The following RNF14 variants were observed in gnomAD, a reference collection of about 807,000 sequenced individuals.
RNF14 encodes the protein ring finger protein 14.
In RNF14, 26 loss-of-function variants were observed where a neutral mutation model predicts 52.6. The ratio of observed to expected loss-of-function variants is 0.49; its 90% CI spans 0.36 to 0.69. The LOEUF is 0.69. Among genes scored for constraint, RNF14 ranks in the 30% least tolerant of loss-of-function variants. The probability of loss-of-function intolerance (pLI) is 0.00; values close to 1 mark genes in which losing one functional copy is unlikely to be tolerated. For synonymous variants in RNF14, 194 were observed against 202.0 expected (o/e 0.96, Z 0.34); for missense variants, 404 against 560.4 (o/e 0.72, Z 2.82).
At chr5:141,957,182 T>A, upstream of RNF14, 1 of 1,614,122 alleles carries the variant, frequency 6.2e-7, no homozygotes, top group Non-Finnish European at 8.5e-7. The surrounding 1 kb of genome is among the most constrained non-coding windows in gnomAD (Gnocchi z 4.3). Flanking sequence ...GTACCTGACT[T>A]GGGGGGGTTC....
upstream of RNF14, among the ~76,000 whole-genome samples, chr5:141,966,212 G>A (rs1229964125): frequency 1.3e-5 from 2 of 152,138 alleles, no homozygotes; most frequent in South Asian, 2.1e-4. Flanking sequence ...ACCCTCTACC[G>A]GGAGGCAGAG....
upstream of RNF14, among the ~76,000 whole-genome samples, chr5:141,965,610 T>A (rs1753327982): frequency 6.6e-6 from 1 of 151,968 alleles, no homozygotes; most frequent in Non-Finnish European, 1.5e-5. Flanking sequence ...CTGGAGAGAG[T>A]CAGACTGATG....
At chr5:141,968,381 A>G (rs1753434657), upstream of RNF14, among the ~76,000 whole-genome samples, 1 of 152,226 alleles carries the variant, frequency 6.6e-6, no homozygotes, top group African/African-American at 2.4e-5. Flanking sequence ...CTAGGATTAC[A>G]GGCGTGAGCC....
At chr5:141,957,782 A>G (rs1285751421), upstream of RNF14, 3 of 1,608,114 alleles carry the variant, frequency 1.9e-6, no homozygotes, top group Admixed American at 5.0e-5. The surrounding 1 kb of genome is among the most constrained non-coding windows in gnomAD (Gnocchi z 4.3). Flanking sequence ...ACCTCCTGAC[A>G]ATCCCCTAAA....
chr5:141,953,614 C>A (rs1403665398), upstream of RNF14, among the ~76,000 whole-genome samples: 1 of 152,236 alleles, frequency 6.6e-6, no homozygotes, highest in Non-Finnish European at 1.5e-5. Context: ...TCTGTCACCT[C>A]AGCGGGGTCA....
upstream of RNF14, among the ~76,000 whole-genome samples, chr5:141,966,029 G>A (rs559381479): frequency 3.3e-5 from 5 of 150,420 alleles, no homozygotes; most frequent in South Asian, 4.2e-4. Context: ...ATCTGTAGTC[G>A]CGGCACTTTG....
At position 141,987,881 on chromosome 5, in the gene RNF14, A is replaced by C; in HGVS notation, c.*91A>C. Reference sequence around the variant, plus strand: ...AACTTTGCGGGATATTTAGGGTACTATTCATTCACTCTTCCTGCGTAGAAG... The same window carrying C: ...AACTTTGCGGGATATTTAGGGTACTCTTCATTCACTCTTCCTGCGTAGAAG... On this transcript the variant is annotated 3_prime_UTR_variant, in exon 9 of 9. Transcript: ENST00000394520. The C allele has an allele frequency of 8.6e-7, 1 of 1,159,294 alleles. No homozygotes were observed. The highest frequency in any genetic ancestry group is 1.3e-6 in the Non-Finnish European group (1 of 769,468). The allele number at this position is 1,159,294 out of a possible 1,614,324, so 71.8% of individuals were successfully genotyped here.
chr5:141,956,753 G>A (rs146763293), upstream of RNF14: 494 of 1,614,136 alleles, frequency 3.1e-4, no homozygotes, highest in Non-Finnish European at 3.9e-4. Flanking sequence ...TCCTTGGGAA[G>A]AGCTTCTGAC....
chr5:141,971,563 T>TTTTC (rs746341507), intron 2 of RNF14, among the ~76,000 whole-genome samples: 2,020 of 54,896 alleles, frequency 0.037, 30 homozygotes, highest in South Asian at 0.057. Context: ...GCTAATTTCT[T>TTTTC]TTTCTTTCTT....
intron 8 of RNF14, 105 bp from the exon 9 acceptor site, chr5:141,987,628 A>T (rs1298775693): frequency 3.8e-6 from 4 of 1,062,140 alleles, no homozygotes; most frequent in East Asian, 2.4e-5. Context: ...AGAAGAAAAG[A>T]TGTACAAAGA....
At chr5:141,951,488 C>T in the RNF14 span, 5 of 1,613,170 alleles carry the variant, frequency 3.1e-6, no homozygotes, top group Non-Finnish European at 4.2e-6. Flanking sequence ...CTACGTGCTG[C>T]TTACCTGCTG....
At chr5:141,955,082 TC>T, upstream of RNF14, 1 of 1,614,180 alleles carries the variant, frequency 6.2e-7, no homozygotes, top group Non-Finnish European at 8.5e-7. This position sits in a 1 kb window ranked among gnomAD's most constrained non-coding sequence, Gnocchi z 5.5. Flanking sequence ...CCTGATTCTT[TC>T]TCAGGGGACA....
At chr5:141,957,005 G>C, upstream of RNF14, 1 of 1,614,190 alleles carries the variant, frequency 6.2e-7, no homozygotes, top group Non-Finnish European at 8.5e-7. This position sits in a 1 kb window ranked among gnomAD's most constrained non-coding sequence, Gnocchi z 4.3. Flanking sequence ...TGCTTACTGA[G>C]GAAGAACTCC....
chr5:141,956,549 G>A (rs759501210), upstream of RNF14: 2 of 1,614,224 alleles, frequency 1.2e-6, no homozygotes, highest in Non-Finnish European at 1.7e-6. Context: ...TGGAGTCCTT[G>A]GTCTTGGGCT....
the RNF14 span, chr5:141,949,457 C>T: frequency 1.2e-6 from 2 of 1,613,794 alleles, no homozygotes; most frequent in African/African-American, 1.3e-5. Context: ...GCAGACTTGA[C>T]AGCTCTTCTT....
At chr5:141,979,144 G>T (rs1166874810) in intron 5 of RNF14, among the ~76,000 whole-genome samples, 1 of 152,122 alleles carries the variant, frequency 6.6e-6, no homozygotes, top group African/African-American at 2.4e-5. Flanking sequence ...TCTTGTGTGA[G>T]GTTGGCATCT....
At chr5:141,983,984 C>T (rs887235402) in intron 7 of RNF14, among the ~76,000 whole-genome samples, 1 of 151,974 alleles carries the variant, frequency 6.6e-6, no homozygotes, top group Non-Finnish European at 1.5e-5. Flanking sequence ...TGACAAAAAT[C>T]TTAATATGTT....
At chr5:141,956,866 G>C, upstream of RNF14, 1 of 1,614,192 alleles carries the variant, frequency 6.2e-7, no homozygotes, top group Middle Eastern at 1.6e-4. Context: ...GATAGGATTG[G>C]GACCCAGGTC....
chr5:141,956,394 A>G (rs554774558), upstream of RNF14: 80 of 1,614,238 alleles, frequency 5.0e-5, 1 homozygote, highest in South Asian at 7.9e-4. Flanking sequence ...CCAAGTCTGC[A>G]TCATGAGCCT....
Sources: allele counts gnomAD v4.1 joint callset (sites outside exome capture counted in the v4.1 genomes callset), GRCh38; gene constraint gnomAD v4.1.1; non-coding constraint Gnocchi (gnomAD v3.1); transcripts MANE v1.5; gene names NCBI Gene and HGNC (gene_info 2026-07-23, HGNC 2026-07-21).